KLHL7: variants seen among roughly 807,000 people sequenced by gnomAD.
The protein encoded by KLHL7 is kelch like family member 7.
In KLHL7, 44 loss-of-function variants were observed where a neutral mutation model predicts 67.4. The observed-to-expected ratio is 0.65, with a 90% CI of 0.51 to 0.84. The LOEUF (loss-of-function observed/expected upper bound fraction) is 0.84, where lower values mean the gene tolerates loss of function less well. KLHL7 is among the 40% of genes least tolerant of loss of function. The pLI, the probability that KLHL7 is intolerant of heterozygous loss-of-function variation, is 0.00. For synonymous variants in KLHL7, 252 were observed against 243.3 expected (o/e 1.04, Z -0.33); for missense variants, 362 against 718.1 (o/e 0.50, Z 5.67).
intron 7 of KLHL7, among the ~76,000 whole-genome samples, chr7:23,154,346 CTA>C (rs1310291753): frequency 8.5e-6 from 1 of 117,168 alleles, no homozygotes; most frequent in African/African-American, 3.1e-5. Flanking sequence ...CAGAGTGAGA[CTA>C]TGTCTCAAAA....
intron 7 of KLHL7, among the ~76,000 whole-genome samples, chr7:23,163,552 G>C (rs536826119): frequency 6.6e-6 from 1 of 152,170 alleles, no homozygotes; most frequent in Non-Finnish European, 1.5e-5. Context: ...ACAATGGAGT[G>C]TTCAGTCATC....
chr7:23,106,775 C>A, intron 1 of KLHL7: 4 of 985,322 alleles, frequency 4.1e-6, no homozygotes, highest in Non-Finnish European at 4.8e-6. Flanking sequence ...TCGTGAAATT[C>A]TGCAGCACAT....
At chr7:23,113,285 T>G (rs1782951293) in intron 1 of KLHL7, among the ~76,000 whole-genome samples, 1 of 152,204 alleles carries the variant, frequency 6.6e-6, no homozygotes, top group Non-Finnish European at 1.5e-5. Context: ...TGAACTTACG[T>G]TGAATATTAA....
At chr7:23,129,541 T>C (rs1783717339) in intron 4 of KLHL7, 1 of 231,950 alleles carries the variant, frequency 4.3e-6, no homozygotes. Context: ...TAAACAACAC[T>C]TCACTGCTTG....
intron 4 of KLHL7, among the ~76,000 whole-genome samples, chr7:23,136,731 A>C (rs551923116): frequency 1.0e-3 from 152 of 152,332 alleles, no homozygotes; most frequent in Non-Finnish European, 2.0e-3. Context: ...ACACTTGAAA[A>C]TTTAACCAAA....
At chr7:23,117,473 T>C (rs992072609) in intron 1 of KLHL7, among the ~76,000 whole-genome samples, 3 of 152,180 alleles carry the variant, frequency 2.0e-5, no homozygotes, top group Non-Finnish European at 4.4e-5. Flanking sequence ...AGCTTTTTTT[T>C]CTTAGTCCCA....
rs922355943 is a variant in KLHL7, at chr7:23,131,345, G to C, written c.442+6173G>C. ...AAAAATGCCAACAAATGGTTCTTGT[G>C]TATTTTGGTAGAAAAAAACTTATTT... On this transcript the variant is annotated intron_variant, in intron 4 of 10. Transcript: ENST00000339077. 5.3e-5 allele frequency among the ~76,000 whole-genome samples: 8 copies of C among 152,098 alleles called. No homozygotes were observed. The South Asian group carries it at 1.2e-3, about 24-fold the overall frequency.
At chr7:23,173,915 C>T (rs1785232576) in intron 10 of KLHL7, 100 bp from the exon 11 acceptor site, 2 of 1,222,550 alleles carry the variant, frequency 1.6e-6, no homozygotes, top group Non-Finnish European at 2.4e-6. Flanking sequence ...TGACATTTTT[C>T]ACAATAAAAT....
chr7:23,118,914 A>G (rs74827845), intron 1 of KLHL7, among the ~76,000 whole-genome samples: 9 of 151,598 alleles, frequency 5.9e-5, no homozygotes, highest in African/African-American at 2.2e-4. Context: ...TCTACAAAAG[A>G]AAAAAAAATT....
chr7:23,148,634 T>G (rs1417018768), intron 6 of KLHL7, among the ~76,000 whole-genome samples: 1 of 152,230 alleles, frequency 6.6e-6, no homozygotes, highest in East Asian at 1.9e-4. Flanking sequence ...AACTGTGTGT[T>G]ATTTTTCTGG....
intron 9 of KLHL7, among the ~76,000 whole-genome samples, chr7:23,169,504 TG>T (rs1172125829): frequency 6.6e-6 from 1 of 152,144 alleles, no homozygotes; most frequent in African/African-American, 2.4e-5. Context: ...GCTCAAAAAG[TG>T]TTACAGCATA....
intron 1 of KLHL7, among the ~76,000 whole-genome samples, chr7:23,114,500 A>C (rs946151385): frequency 2.0e-5 from 3 of 152,178 alleles, no homozygotes; most frequent in African/African-American, 4.8e-5. Context: ...GAATTCAGGC[A>C]CCAAAGCCCC....
intron 6 of KLHL7, 103 bp from the exon 7 acceptor site, chr7:23,151,964 G>T: frequency 9.2e-7 from 1 of 1,085,162 alleles, no homozygotes; most frequent in Non-Finnish European, 1.4e-6. Context: ...TATCATAAAA[G>T]TAAGTTACTG....
At chr7:23,138,781 C>T (rs369239141) in intron 4 of KLHL7, among the ~76,000 whole-genome samples, 4 of 151,944 alleles carry the variant, frequency 2.6e-5, no homozygotes, top group African/African-American at 9.7e-5. Context: ...CAAGTGATCC[C>T]CACCTAGGCC....
intron 1 of KLHL7, among the ~76,000 whole-genome samples, chr7:23,111,239 G>A (rs1461123325): frequency 6.6e-6 from 1 of 152,170 alleles, no homozygotes; most frequent in Admixed American, 6.5e-5. Context: ...AAAGAGAAAA[G>A]GGAAGAGTGA....
chr7:23,169,339 TA>T (rs571128286), intron 9 of KLHL7, among the ~76,000 whole-genome samples: 163 of 152,326 alleles, frequency 1.1e-3, no homozygotes, highest in African/African-American at 3.7e-3. Flanking sequence ...GATTCCCACA[TA>T]TTTTTAAAAG....
intron 5 of KLHL7, among the ~76,000 whole-genome samples, chr7:23,141,459 G>A (rs529877999): frequency 2.6e-5 from 4 of 152,350 alleles, no homozygotes; most frequent in Admixed American, 6.5e-5. Flanking sequence ...GCAAGGAAGT[G>A]GTTTCTCCTG....
At chr7:23,151,530 AG>A (rs35378213) in intron 6 of KLHL7, among the ~76,000 whole-genome samples, 68,931 of 152,038 alleles carry the variant, frequency 0.45, 18,074 homozygotes, top group African/African-American at 0.73. Context: ...GGTCTGGGAT[AG>A]GGGCCTGGGA....
At chr7:23,109,491 C>G (rs535363209) in intron 1 of KLHL7, among the ~76,000 whole-genome samples, 1 of 152,256 alleles carries the variant, frequency 6.6e-6, no homozygotes, top group Non-Finnish European at 1.5e-5. Context: ...TTTATAGTTT[C>G]TCCACATTAA....
Sources: gnomAD v4.1 joint callset for allele counts (sites outside exome capture counted in the v4.1 genomes callset) on GRCh38, gnomAD v4.1.1 for gene constraint, MANE v1.5 for transcripts, NCBI Gene and HGNC (gene_info 2026-07-23, HGNC 2026-07-21) for gene names.